Variants in WDHD1 observed in about 807,000 individuals in gnomAD.
WDHD1 encodes WD repeat and HMG-box DNA binding protein 1.
A neutral mutation model predicts 135.4 loss-of-function variants in WDHD1; 111 were observed. That is an observed-to-expected ratio of 0.82 (90% CI 0.70 to 0.96). The LOEUF (loss-of-function observed/expected upper bound fraction) is 0.96, where lower values mean the gene tolerates loss of function less well. Ranked by LOEUF, WDHD1 falls within the 40% of genes least tolerant of loss-of-function variation. WDHD1 has a pLI of 0.00. For synonymous variants in WDHD1, 434 were observed against 439.0 expected, an observed-to-expected ratio of 0.99 and a Z score of 0.14; for missense variants, 1,351 against 1,336.3, an observed-to-expected ratio of 1.01 and a Z score of -0.17.
intron 16 of WDHD1, among the ~76,000 whole-genome samples, chr14:54,968,603 G>A (rs180696051): frequency 3.8e-4 from 58 of 152,088 alleles, no homozygotes; most frequent in African/African-American, 1.3e-3. Flanking sequence ...AAACAAGATC[G>A]ATAAACTCCT....
chr14:55,025,946 C>T (rs533542174), intron 2 of WDHD1, among the ~76,000 whole-genome samples: 4 of 152,236 alleles, frequency 2.6e-5, no homozygotes, highest in African/African-American at 9.6e-5. Context: ...TCCAAAGAAG[C>T]CTTCCCTGAC....
chr14:54,995,035 C>G (rs931976764), intron 11 of WDHD1, among the ~76,000 whole-genome samples: 10 of 152,152 alleles, frequency 6.6e-5, no homozygotes, highest in African/African-American at 1.9e-4. Context: ...TGCTGGCATG[C>G]AGTTGACGCG....
chr14:54,998,226 AT>A (rs934160760), intron 10 of WDHD1, among the ~76,000 whole-genome samples: 6 of 151,972 alleles, frequency 3.9e-5, no homozygotes, highest in Non-Finnish European at 8.8e-5. Flanking sequence ...AAAATTTTTA[AT>A]GGAGGACTGT....
intron 16 of WDHD1, among the ~76,000 whole-genome samples, chr14:54,978,073 C>T (rs926478076): frequency 6.6e-6 from 1 of 152,102 alleles, no homozygotes; most frequent in Non-Finnish European, 1.5e-5. Context: ...TAAATAATTT[C>T]ATATACCTCT....
chr14:55,004,414 A>AT (rs2042029724), intron 7 of WDHD1, among the ~76,000 whole-genome samples: 1 of 151,640 alleles, frequency 6.6e-6, no homozygotes, highest in Non-Finnish European at 1.5e-5. Flanking sequence ...AAAACTTTTC[A>AT]TTTTCCACAT....
At chr14:54,982,618 C>T (rs981426612) in intron 15 of WDHD1, among the ~76,000 whole-genome samples, 4 of 152,092 alleles carry the variant, frequency 2.6e-5, no homozygotes, top group African/African-American at 9.7e-5. Flanking sequence ...CTTCACACCC[C>T]CCTCACTCTG....
At chr14:55,015,775 T>C (rs2140228968) in intron 2 of WDHD1, among the ~76,000 whole-genome samples, 1 of 151,968 alleles carries the variant, frequency 6.6e-6, no homozygotes, top group South Asian at 2.1e-4. Context: ...CACAGCTCAC[T>C]GCAACCTCTG....
rs2042089428 is a variant in WDHD1 at position 55,007,276 on chromosome 14, T to C, written c.600+4A>G. The stretch of plus-strand genomic sequence containing the variant: ...AAAAGAAAAGAAAAATAAGAATCAC[T>C]TACCTTCCCACTTTTTGGCTGCCAA... On this transcript the variant is annotated splice_donor_region_variant and intron_variant, in intron 7 of 25. Coordinates refer to ENST00000360586, the MANE Select transcript of WDHD1 (RefSeq NM_007086.4). 6.4e-7 allele frequency: 1 copy of C among 1,564,368 alleles called. No homozygotes were observed. Among genetic ancestry groups the C allele is most frequent in the Non-Finnish European group, 8.6e-7 (1 of 1,158,758 alleles).
intron 21 of WDHD1, among the ~76,000 whole-genome samples, chr14:54,960,797 C>T (rs1343713498): frequency 2.7e-5 from 4 of 149,800 alleles, no homozygotes; most frequent in Admixed American, 6.7e-5. Context: ...TGAGCCACCA[C>T]GCCTGGCCTA....
intron 10 of WDHD1, among the ~76,000 whole-genome samples, chr14:54,998,174 C>T (rs2140211040): frequency 6.6e-6 from 1 of 151,592 alleles, no homozygotes; most frequent in Non-Finnish European, 1.5e-5. Context: ...CATTGCACTC[C>T]AGCCTGGGCA....
intron 24 of WDHD1, among the ~76,000 whole-genome samples, chr14:54,955,043 C>A (rs1404592870): frequency 6.6e-6 from 1 of 152,054 alleles, no homozygotes; most frequent in Non-Finnish European, 1.5e-5. Context: ...TAAAGAAGTT[C>A]TTTATGTAGT....
chr14:55,001,107 C>A, intron 8 of WDHD1, 115 bp from the exon 9 acceptor site: 2 of 548,820 alleles, frequency 3.6e-6, no homozygotes, highest in Non-Finnish European at 5.8e-6. Context: ...GGAGGGGAAT[C>A]AACCAAATTC....
chr14:54,940,745 C>T lies in WDHD1; in HGVS notation c.*745G>A, dbSNP rs1036737472. 6.6e-6 allele frequency: 1 copy of T among 152,052 alleles called. No individual in the cohort carries two copies. The highest frequency in any genetic ancestry group is 2.4e-5 in the African/African-American group (1 of 41,404). The allele number at this position is 152,052 out of a possible 1,614,324, so 9.4% of individuals were successfully genotyped here. A position where few individuals can be genotyped will look rare whatever the true frequency, so the allele number is the denominator to read the frequency against. ...ATGATGCCTTGGACTGCAATACTGTCACAGCAGTGTCTTCAGTTCTTCTCT... is the reference window on the plus strand; with the variant it reads ...ATGATGCCTTGGACTGCAATACTGTTACAGCAGTGTCTTCAGTTCTTCTCT... On this transcript the variant is annotated 3_prime_UTR_variant, in exon 26 of 26. Transcript: ENST00000360586.
At chr14:55,013,194 C>CAAAAAAAAAAAAAAAGAAAAAAAAA (rs2042200675) in intron 3 of WDHD1, among the ~76,000 whole-genome samples, 1 of 82,336 alleles carries the variant, frequency 1.2e-5, no homozygotes, top group Non-Finnish European at 2.2e-5. Flanking sequence ...GATCCCGTTT[C>CAAAAAAAAAAAAAAAGAAAAAAAAA]AAAAAAAAAA....
At chr14:55,016,219 A>G (rs1284097180) in intron 2 of WDHD1, among the ~76,000 whole-genome samples, 1 of 152,224 alleles carries the variant, frequency 6.6e-6, no homozygotes, top group Non-Finnish European at 1.5e-5. Flanking sequence ...AACTAACTAC[A>G]TATTAATTTT....
At chr14:54,960,692 G>C (rs1233145703) in intron 21 of WDHD1, among the ~76,000 whole-genome samples, 1 of 151,272 alleles carries the variant, frequency 6.6e-6, no homozygotes, top group Non-Finnish European at 1.5e-5. Flanking sequence ...TTTTAGTGGA[G>C]ATGTGGTTTC....
intron 3 of WDHD1, among the ~76,000 whole-genome samples, chr14:55,013,148 C>T (rs1295325817): frequency 7.1e-6 from 1 of 141,122 alleles, no homozygotes; most frequent in Non-Finnish European, 1.5e-5. Context: ...ACTGCTTGAG[C>T]CCAGGAGTTT....
In WDHD1 at chr14:54,988,764, TA is replaced by T. The variant is rs35817115; in HGVS notation, c.1526+263del. Among the ~76,000 whole-genome samples, 1,428 of 147,108 alleles carry T rather than the reference TA, an allele frequency of 9.7e-3. 31 individuals carry two copies. The highest frequency in any genetic ancestry group is 0.034 in the African/African-American group (1,373 of 40,222). On this transcript the variant is annotated intron_variant, in intron 13 of 25. Coordinates refer to ENST00000360586, the MANE Select transcript of WDHD1 (RefSeq NM_007086.4). ...AAAAAAAAAAAAGCACTTAACAATG[TA>T]AAAAAAAAATCCCATCTCTTGCATT...
chr14:54,962,399 A>G, intron 21 of WDHD1, 99 bp downstream of exon 21: 1 of 865,238 alleles, frequency 1.2e-6, no homozygotes, highest in Non-Finnish European at 1.9e-6. Context: ...CACACACCAA[A>G]AGTGGCCTTA....
Sources: gnomAD v4.1 joint callset for allele counts (sites outside exome capture counted in the v4.1 genomes callset) on GRCh38, gnomAD v4.1.1 for gene constraint, MANE v1.5 for transcripts, NCBI Gene and HGNC (gene_info 2026-07-23, HGNC 2026-07-21) for gene names.